Variants in MAMLD1 observed in about 807,000 individuals in gnomAD.
MAMLD1 encodes the protein mastermind-like domain-containing protein 1.
MAMLD1 carries 14 observed loss-of-function variants against 45.0 expected under a neutral mutation model. That is an observed-to-expected ratio of 0.31 (90% CI 0.21 to 0.49). The LOEUF (loss-of-function observed/expected upper bound fraction) is 0.49. MAMLD1 is among the 20% of genes least tolerant of loss of function. The probability of loss-of-function intolerance (pLI) is 0.99; values close to 1 mark genes in which losing one functional copy is unlikely to be tolerated. For synonymous variants in MAMLD1, 254 were observed against 247.8 expected (o/e 1.02, Z -0.24); for missense variants, 543 against 603.6 (o/e 0.90, Z 1.05).
intron 1 of MAMLD1, among the ~76,000 whole-genome samples, chrX:150,424,142 GT>G (rs1382095636): frequency 8.9e-6 from 1 of 112,424 alleles, no homozygotes; most frequent in Non-Finnish European, 1.9e-5. Context: ...AGTCAAATAA[GT>G]TTTCAGCACA....
At chrX:150,403,942 A>AAGAAAG (rs2033901218) in intron 1 of MAMLD1, among the ~76,000 whole-genome samples, 1 of 48,435 alleles carries the variant, frequency 2.1e-5, no homozygotes, top group Admixed American at 2.3e-4. Flanking sequence ...AAAGAAAGAA[A>AAGAAAG]AGAAAGAAAG....
In MAMLD1 at chrX:150,512,295, C is replaced by A; in HGVS notation, c.*336C>A. 8.9e-7 allele frequency: 1 copy of A among 1,124,045 alleles called. No individual in the cohort carries two copies. The highest frequency in any genetic ancestry group is 2.1e-5 in the South Asian group (1 of 47,485). 92.6% of individuals were successfully genotyped at this position (1,124,045 alleles called of 1,213,427 possible). On this transcript the variant is annotated 3_prime_UTR_variant, in exon 8 of 8. Transcript: ENST00000370401. Reference sequence around the variant, plus strand: ...CAGCATATGCAGAGTCCCAAGGCCACCCCACCAGAAGTGCCCCTGCCTGGG... The same window carrying A: ...CAGCATATGCAGAGTCCCAAGGCCAACCCACCAGAAGTGCCCCTGCCTGGG...
chrX:150,417,406 T>C (rs1404096685), intron 1 of MAMLD1, among the ~76,000 whole-genome samples: 1 of 105,465 alleles, frequency 9.5e-6, no homozygotes, highest in Admixed American at 1.0e-4. Flanking sequence ...ATCCAGTCTA[T>C]CATTGTTGGA....
At position 150,473,815 on chromosome X, in the gene MAMLD1, G is replaced by A. The variant is rs781837388; in HGVS notation, c.2040+13G>A. On this transcript the variant is annotated intron_variant, in intron 5 of 7. Coordinates refer to ENST00000370401, the MANE Select transcript of MAMLD1 (RefSeq NM_005491.5). ...ACCGTCTAACATTGTGAGCCTTTCT[G>A]TTTTGTTTTGTCTTCAATTGGGTAC... is the stretch of plus-strand genomic sequence containing the variant. The A allele has an allele frequency of 5.8e-6, 7 of 1,208,156 alleles. No homozygotes were observed. Among genetic ancestry groups the A allele is most frequent in the Non-Finnish European group, 7.8e-6 (7 of 892,368 alleles).
intron 1 of MAMLD1, among the ~76,000 whole-genome samples, chrX:150,373,744 G>A (rs988102974): frequency 2.7e-5 from 3 of 111,741 alleles, no homozygotes; most frequent in Non-Finnish European, 5.6e-5. Flanking sequence ...CTAGAAAGAT[G>A]CCATCCTCAG....
intron 1 of MAMLD1, among the ~76,000 whole-genome samples, chrX:150,387,487 A>C (rs2032987862): frequency 8.9e-6 from 1 of 112,196 alleles, no homozygotes; most frequent in African/African-American, 3.2e-5. Context: ...GCTTTCTAAA[A>C]TTTGTGAAAA....
At position 150,513,164 on chromosome X, in the gene MAMLD1, T is replaced by C; in HGVS notation, c.*1205T>C. ...ACCCGCAGTTGTCTCCCGTTACAAT[T>C]TGAGTGGTGTTGTCAGCCCATGCTT... is the stretch of plus-strand genomic sequence containing the variant. On this transcript the variant is annotated 3_prime_UTR_variant, in exon 8 of 8. Transcript: ENST00000370401. 1 of 762,906 alleles carries C rather than the reference T, an allele frequency of 1.3e-6. No individual in the cohort carries two copies. Among genetic ancestry groups the C allele is most frequent in the Non-Finnish European group, 1.8e-6 (1 of 540,756 alleles). 62.9% of individuals were successfully genotyped at this position (762,906 alleles called of 1,213,427 possible).
chrX:150,508,926 GGAGTCAGACCTGGATCC>G (rs1308802313), intron 6 of MAMLD1, among the ~76,000 whole-genome samples: 1 of 111,737 alleles, frequency 8.9e-6, no homozygotes, highest in Non-Finnish European at 1.9e-5. Flanking sequence ...CACTGGACTG[GGAGTCAGACCTGGATCC>G]GAGTCACAAC....
At chrX:150,418,237 T>C (rs1188567107) in intron 1 of MAMLD1, among the ~76,000 whole-genome samples, 2 of 111,709 alleles carry the variant, frequency 1.8e-5, no homozygotes, top group African/African-American at 6.5e-5. Flanking sequence ...GAGGTGTTTG[T>C]AGTATTCTCT....
chrX:150,449,721 G>C (rs1291997688), intron 2 of MAMLD1, among the ~76,000 whole-genome samples: 2 of 110,998 alleles, frequency 1.8e-5, no homozygotes, highest in African/African-American at 6.6e-5. Context: ...CACATTTCCA[G>C]GGTCCCTTCT....
intron 1 of MAMLD1, among the ~76,000 whole-genome samples, chrX:150,391,876 G>A (rs1557402184): frequency 8.9e-6 from 1 of 111,857 alleles, no homozygotes; most frequent in Non-Finnish European, 1.9e-5. Flanking sequence ...TAATGTAAGG[G>A]CCAGGTGGAC....
At chrX:150,404,175 G>A (rs1226421627) in intron 1 of MAMLD1, among the ~76,000 whole-genome samples, 1 of 110,739 alleles carries the variant, frequency 9.0e-6, no homozygotes, top group Non-Finnish European at 1.9e-5. Flanking sequence ...ACTTCTGAAT[G>A]GATCAACTGC....
At position 150,470,611 on chromosome X, in the gene MAMLD1, A is replaced by T. The variant is rs139098953; in HGVS notation, c.1038A>T (p.Pro346=). The T allele has an allele frequency of 1.2e-3, 1,509 of 1,209,236 alleles. No homozygotes were observed. The highest frequency in any genetic ancestry group is 1.6e-3 in the Non-Finnish European group (1,448 of 894,841). ...LSPPYRPVPS[P]HPPPLPLPPP... is the part of the protein sequence containing the mutation. ...CACCTTACCGCCCAGTGCCATCACC[A>T]CACCCACCACCGCTGCCACTGCCAC... Residue 346 remains proline (P), a synonymous_variant, in exon 4 of 8, where the codon CCA becomes CCT. Coordinates refer to ENST00000370401, the MANE Select transcript of MAMLD1 (RefSeq NM_005491.5).
intron 1 of MAMLD1, among the ~76,000 whole-genome samples, chrX:150,386,805 T>A (rs782610589): frequency 1.4e-5 from 1 of 72,626 alleles, no homozygotes; most frequent in South Asian, 5.0e-4. Context: ...ATGTCCTTTA[T>A]GACATTTTTT....
chrX:150,365,549 G>A (rs940436007), intron 1 of MAMLD1, among the ~76,000 whole-genome samples: 1 of 113,125 alleles, frequency 8.8e-6, no homozygotes, highest in Non-Finnish European at 1.9e-5. Flanking sequence ...GCTTTGCAGC[G>A]GGCGCCCCTC....
At chrX:150,501,946 T>C (rs1457270198) in intron 5 of MAMLD1, among the ~76,000 whole-genome samples, 1 of 112,277 alleles carries the variant, frequency 8.9e-6, no homozygotes, top group Non-Finnish European at 1.9e-5. Flanking sequence ...CTGTATGATT[T>C]TGGGCAACTT....
At chrX:150,441,723 T>G (rs1165317686) in intron 1 of MAMLD1, among the ~76,000 whole-genome samples, 4 of 111,715 alleles carry the variant, frequency 3.6e-5, no homozygotes, top group Non-Finnish European at 7.5e-5. Flanking sequence ...TATTGGTATA[T>G]ATTTCTTGGG....
At chrX:150,473,629 C>T in intron 4 of MAMLD1, 51 bp from the exon 5 acceptor site, 1 of 1,195,843 alleles carries the variant, frequency 8.4e-7, no homozygotes, top group Non-Finnish European at 1.1e-6. Context: ...CCACCTGGGG[C>T]TCGGGCCCTG....
rs782602421 is a variant in MAMLD1 at position 150,431,204 on chromosome X, T to C, written c.-63-14250T>C. 3.6e-4 allele frequency among the ~76,000 whole-genome samples: 40 copies of C among 112,003 alleles called. No homozygotes were observed. In the South Asian group the frequency reaches 0.014, roughly 41 times the overall value. On this transcript the variant is annotated intron_variant, in intron 1 of 7. Transcript: ENST00000370401. Reference sequence around the variant, plus strand: ...GTTTTTTGAGCAATAGTATATGGTATTGTGTTTTCATTCCGATGTCTGTGT... The same window carrying C: ...GTTTTTTGAGCAATAGTATATGGTACTGTGTTTTCATTCCGATGTCTGTGT...
Sources: gnomAD v4.1 joint callset for allele counts (sites outside exome capture counted in the v4.1 genomes callset) on GRCh38, gnomAD v4.1.1 for gene constraint, MANE v1.5 for transcripts, NCBI Gene and HGNC (gene_info 2026-07-23, HGNC 2026-07-21) for gene names.